Variants in ITGA11 observed in about 807,000 individuals in gnomAD.
The protein encoded by ITGA11 is integrin alpha-11.
ITGA11 carries 97 observed loss-of-function variants against 141.9 expected under a neutral mutation model. The observed-to-expected ratio is 0.68, with a 90% confidence interval of 0.58 to 0.81. The LOEUF (loss-of-function observed/expected upper bound fraction) is 0.81, where lower values mean the gene tolerates loss of function less well. ITGA11 is among the 30% of genes least tolerant of loss of function. The probability of loss-of-function intolerance (pLI) is 0.00; values close to 1 mark genes in which losing one functional copy is unlikely to be tolerated. For missense variants in ITGA11, 1,387 were observed against 1,559.2 expected (o/e 0.89, Z 1.86); for synonymous variants, 658 against 624.6 (o/e 1.05, Z -0.80).
intron 2 of ITGA11, among the ~76,000 whole-genome samples, chr15:68,386,639 G>T (rs190837316): frequency 5.1e-4 from 77 of 152,308 alleles, no homozygotes; most frequent in African/African-American, 1.7e-3. Flanking sequence ...GGTCAGTTCT[G>T]CAGGGGGCAG....
intron 3 of ITGA11, chr15:68,365,280 G>A (rs1396077046): frequency 3.0e-6 from 3 of 985,272 alleles, no homozygotes; most frequent in Non-Finnish European, 3.6e-6. Context: ...ACATGTGACA[G>A]CTGAGAGTTT....
At chr15:68,352,514 T>C (rs1012204428) in intron 7 of ITGA11, among the ~76,000 whole-genome samples, 2 of 152,076 alleles carry the variant, frequency 1.3e-5, no homozygotes, top group African/African-American at 2.4e-5. Flanking sequence ...TTTATAAGGT[T>C]CTGGTGAGCA....
At chr15:68,342,903 G>T (rs552415073) in intron 10 of ITGA11, among the ~76,000 whole-genome samples, 6 of 152,166 alleles carry the variant, frequency 3.9e-5, no homozygotes, top group African/African-American at 7.2e-5. Flanking sequence ...GATCCCTGGC[G>T]TGGTGGTGAG....
At chr15:68,377,724 C>T (rs996547018) in intron 2 of ITGA11, among the ~76,000 whole-genome samples, 12 of 152,202 alleles carry the variant, frequency 7.9e-5, no homozygotes, top group African/African-American at 2.9e-4. Context: ...CATGCTTTTT[C>T]CATTTAATTA....
chr15:68,339,601 C>T lies in ITGA11; in HGVS notation c.1175G>A (p.Gly392Glu), dbSNP rs1487454866. 8 of 1,613,898 alleles carry T rather than the reference C, an allele frequency of 5.0e-6. No homozygotes were observed. The highest frequency in any genetic ancestry group is 8.5e-7 in the Non-Finnish European group (1 of 1,179,910). Residue 392 changes from glycine (G) to glutamate (E), a missense_variant, in exon 11 of 30, where the codon GGA becomes GAA. Coordinates refer to ENST00000315757, the MANE Select transcript of ITGA11 (RefSeq NM_001004439.2). ...GGCACTCGTCTCCTTTAGCACAGCTCCATTCCAGTCATAGGCACCGACGGC... is the reference window on the plus strand; with the variant it reads ...GGCACTCGTCTCCTTTAGCACAGCTTCATTCCAGTCATAGGCACCGACGGC... ...LGAVGAYDWNGAVLKETSAGK... is the reference protein window; with the variant it reads ...LGAVGAYDWNEAVLKETSAGK...
rs1305249845 is a variant in ITGA11 at position 68,339,849 on chromosome 15, G to T, written c.1132-205C>A. Among the ~76,000 whole-genome samples, 3 of 152,072 alleles carry T rather than the reference G, an allele frequency of 2.0e-5. No individual in the cohort carries two copies. In the East Asian group the frequency reaches 5.8e-4, roughly 29 times the overall value. On this transcript the variant is annotated intron_variant, in intron 10 of 29. Transcript: ENST00000315757. ...ACTTTCTTGCCCCATTCCATCCTTG[G>T]CACAAAATGGGTCAAATTGATCCCA... is the stretch of plus-strand genomic sequence containing the variant.
intron 10 of ITGA11, among the ~76,000 whole-genome samples, chr15:68,343,714 G>T (rs11072008): frequency 1.3e-5 from 2 of 152,182 alleles, no homozygotes. Flanking sequence ...GCTGTAGAGG[G>T]GTGAGGCTCT....
chr15:68,402,998 C>A lies in ITGA11; in HGVS notation c.84G>T (p.Arg28Ser). ...GFTDTFNMDTRKPRVIPGSRT... is the reference protein window; with the variant it reads ...GFTDTFNMDTSKPRVIPGSRT... The stretch of plus-strand genomic sequence containing the variant: ...TGGAGCCAGGGATGACCCGGGGCTT[C>A]CTGGTGTCCATGTTGAAGGTGTCCG... Residue 28 changes from arginine (R) to serine (S), a missense_variant, in exon 2 of 30, where the codon AGG becomes AGT. Coordinates refer to ENST00000315757, the MANE Select transcript of ITGA11 (RefSeq NM_001004439.2). 6.2e-7 allele frequency: 1 copy of A among 1,613,584 alleles called. No individual in the cohort carries two copies. The highest frequency in any genetic ancestry group is 8.5e-7 in the Non-Finnish European group (1 of 1,179,710).
intron 1 of ITGA11, among the ~76,000 whole-genome samples, chr15:68,415,804 C>T (rs1368233015): frequency 6.6e-6 from 1 of 152,234 alleles, no homozygotes; most frequent in African/African-American, 2.4e-5. Context: ...GGGTCTGCGT[C>T]AGCTGAGAGT....
At chr15:68,327,596 GAGT>G (rs1314825678) in intron 16 of ITGA11, among the ~76,000 whole-genome samples, 1 of 152,236 alleles carries the variant, frequency 6.6e-6, no homozygotes, top group African/African-American at 2.4e-5. Context: ...GGGCTGTCAT[GAGT>G]AGGTGTCTGA....
At chr15:68,306,309 TTCTC>T (rs151071516) in intron 28 of ITGA11, among the ~76,000 whole-genome samples, 14 of 133,028 alleles carry the variant, frequency 1.1e-4, no homozygotes, top group Middle Eastern at 4.1e-3. Flanking sequence ...AGAAGAAGGG[TTCTC>T]TCTCTCTCTC....
chr15:68,316,963 T>G (rs902273605), intron 21 of ITGA11, among the ~76,000 whole-genome samples: 1 of 152,136 alleles, frequency 6.6e-6, no homozygotes, highest in Non-Finnish European at 1.5e-5. Context: ...AGGCCAGAAA[T>G]TTGAAAAACT....
At chr15:68,363,663 T>C (rs1181124146) in intron 4 of ITGA11, among the ~76,000 whole-genome samples, 1 of 152,244 alleles carries the variant, frequency 6.6e-6, no homozygotes, top group Non-Finnish European at 1.5e-5. Context: ...TAATTTGTAC[T>C]GGGCTTTCTG....
At position 68,307,561 on chromosome 15, in the gene ITGA11, A is replaced by G. The variant is rs1418991497; in HGVS notation, c.3285+25T>C. 1 of 1,575,026 alleles carries G rather than the reference A, an allele frequency of 6.3e-7. No homozygotes were observed. On this transcript the variant is annotated intron_variant, in intron 27 of 29. Coordinates refer to ENST00000315757, the MANE Select transcript of ITGA11 (RefSeq NM_001004439.2). The surrounding 1 kb of genome is among the most constrained non-coding windows in gnomAD (Gnocchi z 6.1). ...CCGCCCCCTTTCCCTTCTTCCTTCC[A>G]GCCCAGCCCAGGGGCTCTACTTACT... is the stretch of plus-strand genomic sequence containing the variant.
chr15:68,372,106 C>G (rs1428554412), intron 2 of ITGA11, among the ~76,000 whole-genome samples: 1 of 152,212 alleles, frequency 6.6e-6, no homozygotes, highest in African/African-American at 2.4e-5. Context: ...TCTCCTGGGA[C>G]AGCTTCCTCT....
intron 2 of ITGA11, among the ~76,000 whole-genome samples, chr15:68,393,945 G>C (rs186418457): frequency 6.6e-6 from 1 of 152,248 alleles, no homozygotes; most frequent in East Asian, 1.9e-4. Flanking sequence ...GAATCAAACT[G>C]TCGTAAAGTT....
intron 2 of ITGA11, among the ~76,000 whole-genome samples, chr15:68,401,704 G>A (rs867588517): frequency 2.0e-5 from 3 of 152,240 alleles, no homozygotes; most frequent in Non-Finnish European, 4.4e-5. Context: ...TGGCTGGGGC[G>A]GGGGTGAGTG....
At chr15:68,411,120 G>C (rs1187763462) in intron 1 of ITGA11, among the ~76,000 whole-genome samples, 4 of 152,220 alleles carry the variant, frequency 2.6e-5, no homozygotes, top group Non-Finnish European at 2.9e-5. Flanking sequence ...GAATATTTAA[G>C]TAATAGGATT....
rs1595894866 is a variant in ITGA11 at position 68,406,930 on chromosome 15, G to T, written c.53-3901C>A. Among the ~76,000 whole-genome samples, 3 of 152,310 alleles carry T rather than the reference G, an allele frequency of 2.0e-5. No individual in the cohort carries two copies. In the East Asian group the frequency reaches 5.8e-4, roughly 29 times the overall value. On this transcript the variant is annotated intron_variant, in intron 1 of 29. Transcript: ENST00000315757. Reference sequence around the variant, plus strand: ...GACAGATACAATCACACCTCTGGGAGATTAAATAGTTTCCCCAAATCACTC... The same window carrying T: ...GACAGATACAATCACACCTCTGGGATATTAAATAGTTTCCCCAAATCACTC...
Sources: gnomAD v4.1 joint callset for allele counts (sites outside exome capture counted in the v4.1 genomes callset) on GRCh38, gnomAD v4.1.1 for gene constraint, Gnocchi (gnomAD v3.1) non-coding constraint, MANE v1.5 for transcripts, NCBI Gene and HGNC (gene_info 2026-07-23, HGNC 2026-07-21) for gene names.